UBQLN4: variants seen among roughly 807,000 people sequenced by gnomAD.
UBQLN4 encodes the protein ubiquilin-4.
UBQLN4 carries 11 observed loss-of-function variants against 60.4 expected under a neutral mutation model. The ratio of observed to expected loss-of-function variants is 0.18; its 90% CI spans 0.11 to 0.30. The LOEUF (loss-of-function observed/expected upper bound fraction) is 0.30. Among genes scored for constraint, UBQLN4 ranks in the 10% least tolerant of loss-of-function variants. UBQLN4 has a pLI of 1.00. For synonymous variants in UBQLN4, 258 were observed against 313.1 expected (o/e 0.82, Z 1.86); for missense variants, 417 against 795.5 (o/e 0.52, Z 5.72).
intron 5 of UBQLN4, among the ~76,000 whole-genome samples, chr1:156,046,481 A>C (rs1683704285): frequency 7.1e-6 from 1 of 141,538 alleles, no homozygotes; most frequent in Admixed American, 7.2e-5. Context: ...CTGGGCAACG[A>C]GTGAAACTTC....
intron 7 of UBQLN4, 162 bp downstream of exon 7, chr1:156,042,612 T>A: frequency 8.5e-7 from 1 of 1,177,050 alleles, no homozygotes; most frequent in Non-Finnish European, 1.2e-6. Context: ...ATAAAGAAAC[T>A]GGGAGGCTAA....
rs796940330 is a variant in UBQLN4 at position 156,036,220 on chromosome 1, T to C, written c.*758A>G. On this transcript the variant is annotated 3_prime_UTR_variant, in exon 11 of 11. Coordinates refer to ENST00000368309, the MANE Select transcript of UBQLN4 (RefSeq NM_020131.5). ...AGCTATGAGTGCTTCTGCTCCCCAC[T>C]GTTAATTCCAACTTCCAAGCCTTTT... The C allele has an allele frequency of 2.8e-5, 28 of 985,626 alleles. 1 individual carries two copies. In the African/African-American group the frequency reaches 4.0e-4, roughly 14 times the overall value. The allele number at this position is 985,626 out of a possible 1,614,324, so 61.1% of individuals were successfully genotyped here.
At chr1:156,032,421 G>C (rs1464874535), downstream of UBQLN4, among the ~76,000 whole-genome samples, 3 of 150,794 alleles carry the variant, frequency 2.0e-5, no homozygotes, top group Non-Finnish European at 4.4e-5. Context: ...CGAGGCAGGA[G>C]AATCACTTGA....
At position 156,051,437 on chromosome 1, in the gene UBQLN4, C is replaced by T. The variant is rs1044436941; in HGVS notation, c.261-110G>A. On this transcript the variant is annotated intron_variant, in intron 2 of 10. Coordinates refer to ENST00000368309, the MANE Select transcript of UBQLN4 (RefSeq NM_020131.5). ...CAACTATTTTAACCCAAGACCCCTC[C>T]TGAGCAGTCCTGAGGCTGGAGTGGG... 18 of 1,338,336 alleles carry T rather than the reference C, an allele frequency of 1.3e-5. No homozygotes were observed. The South Asian group carries it at 2.3e-4, about 17-fold the overall frequency. The allele number at this position is 1,338,336 out of a possible 1,614,324, so 82.9% of individuals were successfully genotyped here. A position where few individuals can be genotyped will look rare whatever the true frequency, so the allele number is the denominator to read the frequency against.
chr1:156,036,780 G>C lies in UBQLN4; in HGVS notation c.*198C>G. 6.9e-7 allele frequency: 1 copy of C among 1,439,748 alleles called. No homozygotes were observed. The highest frequency in any genetic ancestry group is 9.1e-7 in the Non-Finnish European group (1 of 1,098,542). 89.2% of individuals were successfully genotyped at this position (1,439,748 alleles called of 1,614,324 possible). A position where few individuals can be genotyped will look rare whatever the true frequency, so the allele number is the denominator to read the frequency against. ...CAAGGAGACCAGGAGAGAAGAGTCT[G>C]TTAGAGACGTAGCAGTAAAACCATA... On this transcript the variant is annotated 3_prime_UTR_variant, in exon 11 of 11. Coordinates refer to ENST00000368309, the MANE Select transcript of UBQLN4 (RefSeq NM_020131.5).
downstream of UBQLN4, among the ~76,000 whole-genome samples, chr1:156,034,823 TTCTATATATA>T (rs1266055604): frequency 5.6e-5 from 2 of 35,870 alleles, no homozygotes; most frequent in Non-Finnish European, 5.6e-5. Context: ...TCCCTTAACC[TTCTATATATA>T]TATATATATA....
At chr1:156,042,575 G>A (rs1683597039) in intron 7 of UBQLN4, 199 bp downstream of exon 7, 2 of 1,052,492 alleles carry the variant, frequency 1.9e-6, no homozygotes, top group Non-Finnish European at 2.7e-6. Context: ...ATAGGAGGTA[G>A]GAACTATTGT....
At chr1:156,039,115 A>G (rs1248942725) in intron 10 of UBQLN4, among the ~76,000 whole-genome samples, 1 of 151,402 alleles carries the variant, frequency 6.6e-6, no homozygotes, top group Non-Finnish European at 1.5e-5. Flanking sequence ...TTTTTAAAAG[A>G]AAAAAATTTT....
At chr1:156,034,343 G>A (rs1683346088), downstream of UBQLN4, among the ~76,000 whole-genome samples, 1 of 128,334 alleles carries the variant, frequency 7.8e-6, no homozygotes, top group Admixed American at 1.0e-4. Context: ...GTCGCCCCCA[G>A]GCTAGAGTGC....
chr1:156,034,525 T>G (rs1277494908), downstream of UBQLN4, among the ~76,000 whole-genome samples: 2 of 151,744 alleles, frequency 1.3e-5, no homozygotes, highest in African/African-American at 4.8e-5. Flanking sequence ...CTTGAACTCC[T>G]GACCTCGTGA....
chr1:156,051,408 G>A (rs1683867403), intron 2 of UBQLN4, 81 bp from the exon 3 acceptor site: 2 of 1,498,628 alleles, frequency 1.3e-6, no homozygotes, highest in Non-Finnish European at 1.8e-6. Context: ...TGCTTGCTAT[G>A]GGACAACTAT....
At position 156,050,249 on chromosome 1, in the gene UBQLN4, G is replaced by A; in HGVS notation, c.741+42C>T. 1 of 1,523,610 alleles carries A rather than the reference G, an allele frequency of 6.6e-7. No homozygotes were observed. The highest frequency in any genetic ancestry group is 1.3e-5 in the South Asian group (1 of 76,538). 94.4% of individuals were successfully genotyped at this position (1,523,610 alleles called of 1,614,324 possible). The stretch of plus-strand genomic sequence containing the variant: ...AGGAAAGGCTGGGCAGGGCACGGCT[G>A]GGCACCAGTGTCCTCCAGCTCTCCA... On this transcript the variant is annotated intron_variant, in intron 4 of 10. Transcript: ENST00000368309. The surrounding 1 kb of genome is among the most constrained non-coding windows in gnomAD (Gnocchi z 4.6).
chr1:156,044,544 C>T (rs1453697476), intron 5 of UBQLN4, among the ~76,000 whole-genome samples: 1 of 152,140 alleles, frequency 6.6e-6, no homozygotes, highest in African/African-American at 2.4e-5. Flanking sequence ...CACAGTTTTC[C>T]CATTGTGTAG....
At chr1:156,047,677 T>C (rs1012239370) in intron 5 of UBQLN4, among the ~76,000 whole-genome samples, 15 of 151,048 alleles carry the variant, frequency 9.9e-5, no homozygotes, top group East Asian at 2.0e-4. Flanking sequence ...GGGCGGATCA[T>C]GAGGTCAGGA....
Position 156,049,474 on chromosome 1 carries a change from T to C in UBQLN4, c.742-815A>G, listed in dbSNP as rs368575909. 1.1e-3 allele frequency among the ~76,000 whole-genome samples: 165 copies of C among 152,308 alleles called. 4 individuals are homozygous for C. The South Asian group carries it at 0.032, about 30-fold the overall frequency. ...TCACAGAAAAATAAGTATAACTACT[T>C]GTTCCCATTCAACTTGGAATACCTT... On this transcript the variant is annotated intron_variant, in intron 4 of 10. Coordinates refer to ENST00000368309, the MANE Select transcript of UBQLN4 (RefSeq NM_020131.5).
downstream of UBQLN4, among the ~76,000 whole-genome samples, chr1:156,034,835 A>ATAT (rs1553255413): frequency 3.5e-4 from 13 of 37,526 alleles, no homozygotes; most frequent in African/African-American, 1.1e-3. Flanking sequence ...CTATATATAT[A>ATAT]TATATATATA....
At chr1:156,032,463 A>G (rs1000286210), downstream of UBQLN4, among the ~76,000 whole-genome samples, 1 of 150,628 alleles carries the variant, frequency 6.6e-6, no homozygotes, top group Non-Finnish European at 1.5e-5. Flanking sequence ...GTAAGCAGAG[A>G]TCACACCACC....
chr1:156,041,037 T>C (rs182618515), intron 10 of UBQLN4, among the ~76,000 whole-genome samples: 17 of 152,294 alleles, frequency 1.1e-4, no homozygotes, highest in Admixed American at 6.5e-4. Context: ...GATCCTTTGA[T>C]ATAAGCAGAA....
chr1:156,032,535 G>C, downstream of UBQLN4, among the ~76,000 whole-genome samples: 3 of 147,780 alleles, frequency 2.0e-5, 1 homozygote, highest in East Asian at 6.0e-4. Context: ...AAAAAAGAAT[G>C]AACGTTTAAT....
Sources: gnomAD v4.1 joint callset for allele counts (sites outside exome capture counted in the v4.1 genomes callset) on GRCh38, gnomAD v4.1.1 for gene constraint, Gnocchi (gnomAD v3.1) non-coding constraint, MANE v1.5 for transcripts, NCBI Gene and HGNC (gene_info 2026-07-23, HGNC 2026-07-21) for gene names.